COMP: variants seen among roughly 807,000 people sequenced by gnomAD.
COMP encodes cartilage oligomeric matrix protein.
COMP carries 79 observed loss-of-function variants against 95.8 expected under a neutral mutation model. That is an observed-to-expected ratio of 0.82 (90% CI 0.69 to 0.99). COMP has a LOEUF of 0.99. COMP is among the 50% of genes least tolerant of loss of function. The pLI is 0.00. For missense variants in COMP, 906 were observed against 1,076.1 expected (o/e 0.84, Z 2.21); for synonymous variants, 438 against 433.9 (o/e 1.01, Z -0.12).
chr19:18,788,679 T>C lies in COMP; in HGVS notation c.675A>G (p.Ala225=). 2 of 1,542,218 alleles carry C rather than the reference T, an allele frequency of 1.3e-6. No individual in the cohort carries two copies. Among genetic ancestry groups the C allele is most frequent in the Non-Finnish European group, 1.7e-6 (2 of 1,145,134 alleles). The change falls in exon 7 of 19, where the codon GCA becomes GCG. Residue 225 remains alanine, a synonymous_variant. Coordinates refer to ENST00000222271, the MANE Select transcript of COMP (RefSeq NM_000095.3). This position sits in a 1 kb window ranked among gnomAD's most constrained non-coding sequence, Gnocchi z 4.7. The stretch of plus-strand genomic sequence containing the variant: ...GCGAGCCGTCGGGGCAGAAGCGCTG[T>C]GCGCGCCGCTGGCAGCCGGACGCCT... ...GDQASGCQRR[A]QRFCPDGSPS...
rs777509463 is a variant in COMP, at chr19:18,788,836, T to TA, written c.603+2dup. ...TCCTTTCTTCCTCCCCAGCGGGCCT[T>TA]ACCCGGGTGTTGATGCACACGGAGT... On this transcript the variant is annotated splice_region_variant and intron_variant, in intron 6 of 18. Coordinates refer to ENST00000222271, the MANE Select transcript of COMP (RefSeq NM_000095.3). This position sits in a 1 kb window ranked among gnomAD's most constrained non-coding sequence, Gnocchi z 4.7. 3 of 1,613,710 alleles carry TA rather than the reference T, an allele frequency of 1.9e-6. No homozygotes were observed. The Admixed American group carries it at 5.0e-5, about 27-fold the overall frequency.
intron 10 of COMP, 110 bp from the exon 11 acceptor site, chr19:18,786,760 A>T: frequency 1.1e-5 from 4 of 372,818 alleles, no homozygotes; most frequent in Non-Finnish European, 1.4e-5. Context: ...AACTTCATGG[A>T]AGCTTTTTTT....
At chr19:18,786,351 C>A in intron 11 of COMP, 60 bp from the exon 12 acceptor site, 1 of 1,611,410 alleles carries the variant, frequency 6.2e-7, no homozygotes, top group Non-Finnish European at 8.5e-7. Flanking sequence ...AAGCCTCCCA[C>A]CCAACCCAGC....
At position 18,784,184 on chromosome 19, in the gene COMP, T is replaced by TC. The variant is rs1440788947; in HGVS notation, c.2087+6dup. 2 of 1,612,614 alleles carry TC rather than the reference T, an allele frequency of 1.2e-6. No individual in the cohort carries two copies. Among genetic ancestry groups the TC allele is most frequent in the Non-Finnish European group, 1.7e-6 (2 of 1,179,898 alleles). ...GCCCAGCCCACCACAGAGGGTGGAG[T>TC]CCCCACCTGATGTAGCCCACTTGGG... is the stretch of plus-strand genomic sequence containing the variant. On this transcript the variant is annotated splice_region_variant and intron_variant, in intron 17 of 18. Coordinates refer to ENST00000222271, the MANE Select transcript of COMP (RefSeq NM_000095.3). The surrounding 1 kb of genome is among the most constrained non-coding windows in gnomAD (Gnocchi z 4.9).
At chr19:18,787,371 G>T in intron 10 of COMP, 120 bp downstream of exon 10, 1 of 1,429,942 alleles carries the variant, frequency 7.0e-7, no homozygotes, top group Non-Finnish European at 9.6e-7. Context: ...TTGGTCCAGG[G>T]CGCCCTAGTC....
rs766335907 is a variant in COMP at position 18,787,632 on chromosome 19, G to T, written c.994C>A (p.Arg332=). The T allele has an allele frequency of 2.2e-5, 36 of 1,613,754 alleles. No homozygotes were observed. Among genetic ancestry groups the T allele is most frequent in the Non-Finnish European group, 3.0e-5 (35 of 1,180,026 alleles). The part of the protein sequence containing the change: ...PNEKDNCPLV[R]NPDQRNTDED... Reference sequence around the variant, plus strand: ...TCCGTGTTGCGCTGGTCTGGGTTCCGCACCAGCGGGCAGTTGTCCTGGATG... The same window carrying T: ...TCCGTGTTGCGCTGGTCTGGGTTCCTCACCAGCGGGCAGTTGTCCTGGATG... The change falls in exon 10 of 19, where the codon CGG becomes AGG. Residue 332 remains arginine (R), a synonymous_variant. Transcript: ENST00000222271.
chr19:18,790,205 T>G (rs2055202688), intron 3 of COMP, 91 bp from the exon 4 acceptor site: 5 of 979,158 alleles, frequency 5.1e-6, no homozygotes, highest in East Asian at 2.7e-5. Flanking sequence ...GGCTGGAGGC[T>G]TCCCCTTCCC....
Position 18,784,233 on chromosome 19 carries a change from T to TA in COMP, c.2044dup (p.Tyr682LeufsTer20). On this transcript the variant is annotated frameshift_variant, in exon 17 of 19. Transcript: ENST00000222271. LOFTEE classifies it high-confidence loss of function. This position sits in a 1 kb window ranked among gnomAD's most constrained non-coding sequence, Gnocchi z 4.9. ...GGGCCGGTGCTGCAGGAACCAACGA[T>TA]AGGACTTCTTGTCCTTCCAACCCAC... 1 of 1,614,028 alleles carries TA rather than the reference T, an allele frequency of 6.2e-7. No homozygotes were observed. Among genetic ancestry groups the TA allele is most frequent in the Non-Finnish European group, 8.5e-7 (1 of 1,180,030 alleles).
rs2055168980 is a variant in COMP at position 18,786,584 on chromosome 19, T to C, written c.1202A>G (p.Asp401Gly). ...PNSDQKDSDG[D>G]GIGDACDNCP... ...GTTGTCACAGGCATCCCCTATACCA[T>C]CGCCATCACTGTCCTTCTGGTCTGA... Residue 401 changes from aspartate to glycine, a missense_variant, in exon 11 of 19, where the codon GAT (aspartate) becomes GGT (glycine). By Grantham distance (94) the Asp-to-Gly change is moderately conservative. Transcript: ENST00000222271. 1 of 1,614,032 alleles carries C rather than the reference T, an allele frequency of 6.2e-7. No homozygotes were observed. Among genetic ancestry groups the C allele is most frequent in the Non-Finnish European group, 8.5e-7 (1 of 1,179,990 alleles).
Position 18,789,889 on chromosome 19 carries a change from TG to T in COMP, c.390+52del, listed in dbSNP as rs1208081973. 8 of 1,581,908 alleles carry T rather than the reference TG, an allele frequency of 5.1e-6. No individual in the cohort carries two copies. In the African/African-American group the frequency reaches 9.5e-5, roughly 19 times the overall value. Reference sequence around the variant, plus strand: ...AGGGGTCTCCCGGGCGGCGAGAGATTGGGGGGCGGTAGAGGGAGTCGTCAGG... The same window carrying T: ...AGGGGTCTCCCGGGCGGCGAGAGATTGGGGGCGGTAGAGGGAGTCGTCAGG... On this transcript the variant is annotated intron_variant, in intron 4 of 18. Transcript: ENST00000222271. This position sits in a 1 kb window ranked among gnomAD's most constrained non-coding sequence, Gnocchi z 6.1.
rs764407915 is a variant in COMP, at chr19:18,788,794, C to A, written c.604-44G>T. On this transcript the variant is annotated intron_variant, in intron 6 of 18. Transcript: ENST00000222271. The surrounding 1 kb of genome is among the most constrained non-coding windows in gnomAD (Gnocchi z 4.7). ...AGGTCAGCGCAGGCCGCCCGCCGCT[C>A]GCCCCACCTCCCGCGATCCTTTCTT... is the stretch of plus-strand genomic sequence containing the variant. 3 of 1,609,020 alleles carry A rather than the reference C, an allele frequency of 1.9e-6. No individual in the cohort carries two copies. In the African/African-American group the frequency reaches 4.0e-5, roughly 21 times the overall value.
rs536510231 is a variant in COMP at position 18,782,838 on chromosome 19, C to T, written c.*77G>A. Reference sequence around the variant, plus strand: ...CTCACTTCCCCCTCAGGACGGCCACCCCTTGGGGCTGGGTGCAGAGCCCCC... The same window carrying T: ...CTCACTTCCCCCTCAGGACGGCCACTCCTTGGGGCTGGGTGCAGAGCCCCC... On this transcript the variant is annotated 3_prime_UTR_variant, in exon 19 of 19. Coordinates refer to ENST00000222271, the MANE Select transcript of COMP (RefSeq NM_000095.3). 2.9e-4 allele frequency: 453 copies of T among 1,538,806 alleles called. 1 individual carries two copies. In the African/African-American group the frequency reaches 5.4e-3, roughly 18 times the overall value.
intron 11 of COMP, 87 bp from the exon 12 acceptor site, chr19:18,786,378 T>C: frequency 6.3e-7 from 1 of 1,594,634 alleles, no homozygotes; most frequent in African/African-American, 1.3e-5. Context: ...GCCAAGGTCC[T>C]CCTGACCCCA....
In COMP at chr19:18,789,651, C is replaced by A. The variant is rs1215881632; in HGVS notation, c.390+291G>T. Among the ~76,000 whole-genome samples the A allele has an allele frequency of 1.4e-5, 2 of 143,904 alleles. No individual in the cohort carries two copies. The highest frequency in any genetic ancestry group is 3.0e-5 in the Non-Finnish European group (2 of 66,120). The allele number at this position is 143,904 out of a possible 152,430, so 94.4% of individuals were successfully genotyped here. On this transcript the variant is annotated intron_variant, in intron 4 of 18. Coordinates refer to ENST00000222271, the MANE Select transcript of COMP (RefSeq NM_000095.3). The surrounding 1 kb of genome is among the most constrained non-coding windows in gnomAD (Gnocchi z 6.1). ...GGTCGTTGGGACTGGCGATCCCCTGCGGCGAGGAGGGTAGCTGGGGCGGAC... is the reference window on the plus strand; with the variant it reads ...GGTCGTTGGGACTGGCGATCCCCTGAGGCGAGGAGGGTAGCTGGGGCGGAC...
Position 18,785,553 on chromosome 19 carries a change from G to C in COMP, c.1669-7C>G. 6.2e-7 allele frequency: 1 copy of C among 1,614,034 alleles called. No individual in the cohort carries two copies. On this transcript the variant is annotated splice_polypyrimidine_tract_variant and splice_region_variant and intron_variant, in intron 14 of 18. Transcript: ENST00000222271. ...TCTGCACGATCTCCCTTCCCTGATG[G>C]GGTCAAAGAAAGGAGGGCCTCAGGC...
chr19:18,785,283 C>T (rs2055156880), intron 15 of COMP, among the ~76,000 whole-genome samples, 191 bp from the exon 16 acceptor site: 1 of 152,018 alleles, frequency 6.6e-6, no homozygotes, highest in Non-Finnish European at 1.5e-5. Flanking sequence ...TCCACCTCCA[C>T]TTGGCCCCGC....
chr19:18,790,677 C>T (rs980312788), intron 2 of COMP, 64 bp from the exon 3 acceptor site: 17 of 1,613,230 alleles, frequency 1.1e-5, no homozygotes, highest in Non-Finnish European at 1.4e-5. Flanking sequence ...TCTCCCCTCT[C>T]TCTACCCCGG....
chr19:18,788,857 G>A lies in COMP; in HGVS notation c.585C>T (p.Ser195=). ...ETGQHNCVPN[S]VCINTRGSFQ... ...GCCTTACCCGGGTGTTGATGCACAC[G>A]GAGTTGGGGACGCAGTTATGTTGCC... Residue 195 remains serine (S), a synonymous_variant, in exon 6 of 19, where the codon TCC becomes TCT. Coordinates refer to ENST00000222271, the MANE Select transcript of COMP (RefSeq NM_000095.3). The surrounding 1 kb of genome is among the most constrained non-coding windows in gnomAD (Gnocchi z 4.7). 3 of 1,613,974 alleles carry A rather than the reference G, an allele frequency of 1.9e-6. No individual in the cohort carries two copies. Among genetic ancestry groups the A allele is most frequent in the Non-Finnish European group, 2.5e-6 (3 of 1,179,992 alleles).
intron 2 of COMP, 70 bp from the exon 3 acceptor site, chr19:18,790,683 C>T (rs990473731): frequency 1.2e-6 from 2 of 1,613,128 alleles, no homozygotes; most frequent in African/African-American, 2.7e-5. Context: ...CTCTCTCTAC[C>T]CCGGGGTCCC....
Sources: allele counts gnomAD v4.1 joint callset (sites outside exome capture counted in the v4.1 genomes callset), GRCh38; gene constraint gnomAD v4.1.1; non-coding constraint Gnocchi (gnomAD v3.1); transcripts MANE v1.5; gene names NCBI Gene and HGNC (gene_info 2026-07-23, HGNC 2026-07-21).